The following SHB variants were observed in gnomAD, a reference collection of about 807,000 sequenced individuals.
SHB encodes SH2 domain containing adaptor protein B, also known as SH2 domain-containing adapter protein B.
In SHB, 20 loss-of-function variants were observed where a neutral mutation model predicts 52.3. That is an observed-to-expected ratio of 0.38 (90% CI 0.27 to 0.56). SHB has a LOEUF of 0.56. Among genes scored for constraint, SHB ranks in the 20% least tolerant of loss-of-function variants. The pLI is 0.71. For synonymous variants in SHB, 397 were observed against 316.5 expected (o/e 1.25, Z -2.70); for missense variants, 825 against 723.3 (o/e 1.14, Z -1.61).
chr9:37,959,382 G>A (rs1196476255), intron 3 of SHB, among the ~76,000 whole-genome samples: 1 of 152,094 alleles, frequency 6.6e-6, no homozygotes, highest in Non-Finnish European at 1.5e-5. Context: ...CAGGCATCCT[G>A]GCCCATAGGG....
At chr9:38,020,768 A>G (rs1020061436) in intron 1 of SHB, among the ~76,000 whole-genome samples, 5 of 152,184 alleles carry the variant, frequency 3.3e-5, no homozygotes, top group African/African-American at 1.2e-4. Context: ...TAAAAATTTA[A>G]ATAAATTTAA....
At chr9:38,033,987 A>C (rs1587255182) in intron 1 of SHB, among the ~76,000 whole-genome samples, 1 of 152,350 alleles carries the variant, frequency 6.6e-6, no homozygotes, top group East Asian at 1.9e-4. Context: ...TCTGCCATTG[A>C]TGAATGAGCT....
At chr9:38,041,957 G>A (rs750446446) in intron 1 of SHB, among the ~76,000 whole-genome samples, 10 of 152,118 alleles carry the variant, frequency 6.6e-5, no homozygotes, top group African/African-American at 1.4e-4. Flanking sequence ...ATTTTCTCCC[G>A]AGTTTCTGAA....
intron 5 of SHB, among the ~76,000 whole-genome samples, chr9:37,937,751 T>C (rs1832390335): frequency 6.6e-6 from 1 of 152,230 alleles, no homozygotes; most frequent in Admixed American, 6.5e-5. Context: ...GGACTGACAA[T>C]GTCTGTGGAG....
rs552175281 is a variant in SHB, at chr9:37,923,740, C to G, written c.1347-3736G>C. ...CATCAGGCAAGGAGTATGGCTGCTC[C>G]AGGCAGCATGTATTCTGAGCTGCAA... On this transcript the variant is annotated intron_variant, in intron 5 of 5. Transcript: ENST00000377707. Among the ~76,000 whole-genome samples, 12 of 152,332 alleles carry G rather than the reference C, an allele frequency of 7.9e-5. No homozygotes were observed. The South Asian group carries it at 2.3e-3, about 29-fold the overall frequency.
At chr9:37,998,228 G>GA (rs1820973653) in intron 2 of SHB, among the ~76,000 whole-genome samples, 1 of 152,018 alleles carries the variant, frequency 6.6e-6, no homozygotes, top group Non-Finnish European at 1.5e-5. Context: ...GAGGAGGGAG[G>GA]GAAGCACTAG....
chr9:37,958,238 G>A (rs915853000), intron 3 of SHB, among the ~76,000 whole-genome samples: 4 of 152,192 alleles, frequency 2.6e-5, no homozygotes, highest in South Asian at 4.1e-4. Flanking sequence ...CCCGCCAGTG[G>A]TCAGATCCAG....
intron 1 of SHB, among the ~76,000 whole-genome samples, chr9:38,021,528 C>T (rs1050548132): frequency 1.3e-5 from 2 of 151,812 alleles, no homozygotes; most frequent in Admixed American, 6.6e-5. Flanking sequence ...ATTAGCTGGG[C>T]GTGGTGGTGC....
At chr9:38,019,146 T>C (rs1255873815) in intron 1 of SHB, among the ~76,000 whole-genome samples, 3 of 152,298 alleles carry the variant, frequency 2.0e-5, no homozygotes, top group East Asian at 3.9e-4. Context: ...AAAAAAAGGC[T>C]GTAGAGTGCG....
At chr9:37,976,052 T>G (rs777242621) in intron 2 of SHB, among the ~76,000 whole-genome samples, 1 of 152,182 alleles carries the variant, frequency 6.6e-6, no homozygotes. Flanking sequence ...ATTTTATTTT[T>G]TGAGATGGAG....
At chr9:38,015,568 C>A in intron 2 of SHB, 1 of 680,394 alleles carries the variant, frequency 1.5e-6, no homozygotes, top group Non-Finnish European at 2.7e-6. Flanking sequence ...TTTGTCTCTA[C>A]TAGTAATCTG....
chr9:38,054,407 C>G (rs1269720918), intron 1 of SHB, among the ~76,000 whole-genome samples: 1 of 152,266 alleles, frequency 6.6e-6, no homozygotes, highest in African/African-American at 2.4e-5. Flanking sequence ...CCCAAATCCA[C>G]CTGGGAATCT....
intron 5 of SHB, among the ~76,000 whole-genome samples, chr9:37,945,699 G>A (rs1006237822): frequency 1.3e-5 from 2 of 152,218 alleles, no homozygotes; most frequent in African/African-American, 2.4e-5. Context: ...GGCAAACACA[G>A]AGTTGATGGT....
At chr9:38,026,052 C>A (rs375998760) in intron 1 of SHB, among the ~76,000 whole-genome samples, 1 of 152,244 alleles carries the variant, frequency 6.6e-6, no homozygotes, top group Non-Finnish European at 1.5e-5. Flanking sequence ...TCCCCCACCC[C>A]CTTCCCAAGG....
chr9:38,041,795 T>C (rs1238794152), intron 1 of SHB, among the ~76,000 whole-genome samples: 1 of 152,132 alleles, frequency 6.6e-6, no homozygotes, highest in Non-Finnish European at 1.5e-5. Context: ...CGGTACTGAA[T>C]GCCCGAAGCA....
intron 3 of SHB, 107 bp downstream of exon 3, chr9:37,974,513 ACT>A: frequency 2.2e-6 from 2 of 905,910 alleles, no homozygotes; most frequent in Non-Finnish European, 3.4e-6. Context: ...AGACCACCCA[ACT>A]GGATTATTAA....
At chr9:37,932,315 A>C (rs1832321654) in intron 5 of SHB, among the ~76,000 whole-genome samples, 1 of 150,188 alleles carries the variant, frequency 6.7e-6, no homozygotes, top group Non-Finnish European at 1.5e-5. Context: ...ATATTGTATG[A>C]TTGATCTCAT....
chr9:37,989,144 A>C (rs368052523), intron 2 of SHB, among the ~76,000 whole-genome samples: 31 of 152,152 alleles, frequency 2.0e-4, no homozygotes, highest in African/African-American at 6.3e-4. Flanking sequence ...ACCCTAATAC[A>C]TGCCTCTATG....
intron 2 of SHB, among the ~76,000 whole-genome samples, chr9:37,982,588 T>G (rs879616200): frequency 2.7e-5 from 4 of 150,592 alleles, no homozygotes; most frequent in African/African-American, 4.9e-5. Context: ...TTCAGGAGAT[T>G]GAAACTATCC....
Sources: allele counts gnomAD v4.1 joint callset (sites outside exome capture counted in the v4.1 genomes callset), GRCh38; gene constraint gnomAD v4.1.1; transcripts MANE v1.5; gene names NCBI Gene and HGNC (gene_info 2026-07-23, HGNC 2026-07-21).